OR4D5: variants seen among roughly 807,000 people sequenced by gnomAD.
OR4D5 encodes the protein olfactory receptor family 4 subfamily D member 5, also known as olfactory receptor 4D5.
For synonymous variants in OR4D5, 165 were observed against 154.0 expected (o/e 1.07, Z -0.53); for missense variants, 390 against 387.6 (o/e 1.01, Z -0.05).
In OR4D5 at chr11:123,939,649, A is replaced by G; in HGVS notation, c.33A>G (p.Gly11=). Residue 11 remains glycine, a synonymous_variant, in exon 1 of 1, where the codon GGA becomes GGG. Transcript: ENST00000307033. The stretch of plus-strand genomic sequence containing the variant: ...CAGCAAATCATTCCCAGGTGGCAGG[A>G]TTTGTTCTACTGGGGCTCTCTCAGG... The part of the protein sequence containing the change: MNPANHSQVA[G]FVLLGLSQVW... 6.3e-7 allele frequency: 1 copy of G among 1,589,930 alleles called. No homozygotes were observed. The highest frequency in any genetic ancestry group is 2.2e-5 in the East Asian group (1 of 44,814).
Position 123,940,159 on chromosome 11 carries a change from G to T in OR4D5, c.543G>T (p.Val181=). The T allele has an allele frequency of 2.5e-6, 4 of 1,614,132 alleles. No individual in the cohort carries two copies. Among genetic ancestry groups the T allele is most frequent in the Non-Finnish European group, 3.4e-6 (4 of 1,180,020 alleles). ...AGCTGGACAACTTTTATTGTGATGT[G>T]CCTCAGCTGATCAAATTGGCCTGCA... ...PDKLDNFYCD[V]PQLIKLACTD... The change falls in exon 1 of 1, where the codon GTG becomes GTT. Residue 181 remains valine, a synonymous_variant. Coordinates refer to ENST00000307033, the MANE Select transcript of OR4D5 (RefSeq NM_001001965.1).
chr11:123,939,714 C>T lies in OR4D5; in HGVS notation c.98C>T (p.Ala33Val), dbSNP rs193274032. ...TTTGTTTTCTTCACTGTTTTCTCTGCTGTGTATTTTATGACTGTAGTGGGA... is the reference window on the plus strand; with the variant it reads ...TTTGTTTTCTTCACTGTTTTCTCTGTTGTGTATTTTATGACTGTAGTGGGA... ...LRFVFFTVFS[A>V]VYFMTVVGNL... is the part of the protein sequence containing the mutation. The change falls in exon 1 of 1, where the codon GCT becomes GTT. Residue 33 changes from alanine (A) to valine (V), a missense_variant. Coordinates refer to ENST00000307033, the MANE Select transcript of OR4D5 (RefSeq NM_001001965.1). The T allele has an allele frequency of 2.5e-6, 4 of 1,613,928 alleles. No individual in the cohort carries two copies. The highest frequency in any genetic ancestry group is 4.5e-5 in the East Asian group (2 of 44,880).
chr11:123,939,931 C>G lies in OR4D5; in HGVS notation c.315C>G (p.His105Gln), dbSNP rs762759686. Residue 105 changes from histidine to glutamine, a missense_variant, in exon 1 of 1, where the codon CAC becomes CAG. Transcript: ENST00000307033. ...GCCTGACTCAACTCTTCTTCTTCCA[C>G]TTCATTGGAGGCATCAAGATCTTCC... is the stretch of plus-strand genomic sequence containing the variant. ...GGCLTQLFFFHFIGGIKIFLL... is the reference protein window; with the variant it reads ...GGCLTQLFFFQFIGGIKIFLL... The G allele has an allele frequency of 7.4e-6, 12 of 1,613,694 alleles. No homozygotes were observed. The highest frequency in any genetic ancestry group is 1.0e-5 in the Non-Finnish European group (12 of 1,179,874).
Position 123,940,284 on chromosome 11 carries a change from T to G in OR4D5, c.668T>G (p.Val223Gly). 1.2e-6 allele frequency: 2 copies of G among 1,614,214 alleles called. No individual in the cohort carries two copies. Among genetic ancestry groups the G allele is most frequent in the Non-Finnish European group, 1.7e-6 (2 of 1,180,038 alleles). Reference protein sequence around the residue: ...VLLGSYTALLVMLRSHSREGR... With the variant: ...VLLGSYTALLGMLRSHSREGR... ...CTGGGATCGTACACAGCACTGCTAGTCATGCTCCGAAGCCACTCACGGGAG... is the reference window on the plus strand; with the variant it reads ...CTGGGATCGTACACAGCACTGCTAGGCATGCTCCGAAGCCACTCACGGGAG... The change falls in exon 1 of 1, where the codon GTC (valine) becomes GGC (glycine). Residue 223 changes from valine (V) to glycine (G), a missense_variant. Physicochemically the swap from Val to Gly is moderately radical, Grantham distance 109. Transcript: ENST00000307033.
rs200154806 is a variant in OR4D5, at chr11:123,940,573, G to C, written c.957G>C (p.Ter319TyrextTer?). 3.8e-6 allele frequency: 6 copies of C among 1,567,764 alleles called. No homozygotes were observed. The East Asian group carries it at 1.1e-4, about 29-fold the overall frequency. ...CCCTGGAGCACAGACCCTTACATTA[G>C]CAGAGGCAGTGACCTGAGAATCTGA... Reference protein sequence around the residue: ...IGPLEHRPLH* With the variant: ...IGPLEHRPLHY The change falls in exon 1 of 1, where the codon TAG becomes TAC. Residue 319 changes from the stop codon to tyrosine (Y), a stop_lost. Coordinates refer to ENST00000307033, the MANE Select transcript of OR4D5 (RefSeq NM_001001965.1).
In OR4D5 at chr11:123,940,445, AT is replaced by A. The variant is rs1565575897; in HGVS notation, c.831del (p.Ile277MetfsTer6). The part of the protein sequence containing the change: ...MDKAVSVLYT[I>X]VTPMLNPAIY... ...CAAGGCCGTCTCTGTGCTATACACA[AT>A]TGTCACCCCCATGCTGAATCCTGCC... On this transcript the variant is annotated frameshift_variant, in exon 1 of 1. Coordinates refer to ENST00000307033, the MANE Select transcript of OR4D5 (RefSeq NM_001001965.1). LOFTEE classifies it low-confidence loss of function (END_TRUNC). 6.2e-7 allele frequency: 1 copy of A among 1,614,112 alleles called. No homozygotes were observed. The highest frequency in any genetic ancestry group is 8.5e-7 in the Non-Finnish European group (1 of 1,180,000).
chr11:123,939,624 C>A lies in OR4D5; in HGVS notation c.8C>A (p.Pro3Gln). MN[P>Q]ANHSQVAGFV... is the part of the protein sequence containing the mutation. ...CAAGGTCATACCAACCAGATGAATCCAGCAAATCATTCCCAGGTGGCAGGA... is the reference window on the plus strand; with the variant it reads ...CAAGGTCATACCAACCAGATGAATCAAGCAAATCATTCCCAGGTGGCAGGA... The change falls in exon 1 of 1, where the codon CCA becomes CAA. Residue 3 changes from proline to glutamine, a missense_variant. Coordinates refer to ENST00000307033, the MANE Select transcript of OR4D5 (RefSeq NM_001001965.1). 1 of 1,567,154 alleles carries A rather than the reference C, an allele frequency of 6.4e-7. No individual in the cohort carries two copies. The highest frequency in any genetic ancestry group is 1.2e-5 in the South Asian group (1 of 81,210).
chr11:123,940,558 C>G lies in OR4D5; in HGVS notation c.942C>G (p.His314Gln). 1 of 1,600,330 alleles carries G rather than the reference C, an allele frequency of 6.2e-7. No homozygotes were observed. The highest frequency in any genetic ancestry group is 8.5e-7 in the Non-Finnish European group (1 of 1,170,362). Residue 314 changes from histidine (H) to glutamine (Q), a missense_variant, in exon 1 of 1, where the codon CAC (histidine) becomes CAG (glutamine). By Grantham distance (24) the His-to-Gln change is conservative. Transcript: ENST00000307033. ...AGGACCCTATTGGTCCCCTGGAGCACAGACCCTTACATTAGCAGAGGCAGT... is the reference window on the plus strand; with the variant it reads ...AGGACCCTATTGGTCCCCTGGAGCAGAGACCCTTACATTAGCAGAGGCAGT... ...RKKDPIGPLE[H>Q]RPLH
In OR4D5 at chr11:123,939,906, G is replaced by C. The variant is rs751271897; in HGVS notation, c.290G>C (p.Cys97Ser). 3 of 1,613,434 alleles carry C rather than the reference G, an allele frequency of 1.9e-6. No homozygotes were observed. The highest frequency in any genetic ancestry group is 1.7e-6 in the Non-Finnish European group (2 of 1,179,694). ...AACCCTACCATTTCCTTTGGTGGAT[G>C]CCTGACTCAACTCTTCTTCTTCCAC... ...SGNPTISFGG[C>S]LTQLFFFHFI... The change falls in exon 1 of 1, where the codon TGC becomes TCC. Residue 97 changes from cysteine (C) to serine (S), a missense_variant. Physicochemically the swap from Cys to Ser is moderately radical, Grantham distance 112. Coordinates refer to ENST00000307033, the MANE Select transcript of OR4D5 (RefSeq NM_001001965.1).
Position 123,939,816 on chromosome 11 carries a change from C to T in OR4D5, c.200C>T (p.Ser67Phe). The change falls in exon 1 of 1, where the codon TCT becomes TTT. Residue 67 changes from serine (S) to phenylalanine (F), a missense_variant. Ser to Phe is a radical substitution (Grantham distance 155). Coordinates refer to ENST00000307033, the MANE Select transcript of OR4D5 (RefSeq NM_001001965.1). ...TTMYFLLGNLSFLDFCYSSIT... is the reference protein window; with the variant it reads ...TTMYFLLGNLFFLDFCYSSIT... ...ATGTATTTTCTCTTGGGCAATCTTT[C>T]TTTCCTGGACTTTTGCTACTCTTCC... is the stretch of plus-strand genomic sequence containing the variant. The T allele has an allele frequency of 1.9e-6, 3 of 1,610,252 alleles. No individual in the cohort carries two copies. Among genetic ancestry groups the T allele is most frequent in the Non-Finnish European group, 2.5e-6 (3 of 1,178,176 alleles).
rs2137512749 is a variant in OR4D5, at chr11:123,940,052, G to T, written c.436G>T (p.Ala146Ser). Reference sequence around the variant, plus strand: ...TCAGACTGTCTGTGCACTCCTTATGGCAGCCTCCTGGGTGGGGGGCTTCAT... The same window carrying T: ...TCAGACTGTCTGTGCACTCCTTATGTCAGCCTCCTGGGTGGGGGGCTTCAT... ...MNQTVCALLM[A>S]ASWVGGFIHS... The change falls in exon 1 of 1, where the codon GCA becomes TCA. Residue 146 changes from alanine to serine, a missense_variant. Coordinates refer to ENST00000307033, the MANE Select transcript of OR4D5 (RefSeq NM_001001965.1). 6.2e-7 allele frequency: 1 copy of T among 1,614,046 alleles called. No homozygotes were observed. The highest frequency in any genetic ancestry group is 8.5e-7 in the Non-Finnish European group (1 of 1,179,990).
At position 123,940,374 on chromosome 11, in the gene OR4D5, C is replaced by T; in HGVS notation, c.758C>T (p.Pro253Leu). The T allele has an allele frequency of 6.2e-7, 1 of 1,614,120 alleles. No homozygotes were observed. Among genetic ancestry groups the T allele is most frequent in the South Asian group, 1.1e-5 (1 of 91,074 alleles). ...HIAVVTLIFV[P>L]CIYVYTRPFR... ...GCTGTGGTGACCTTAATCTTTGTGC[C>T]TTGCATCTACGTCTATACAAGGCCT... Residue 253 changes from proline to leucine, a missense_variant, in exon 1 of 1, where the codon CCT becomes CTT. Transcript: ENST00000307033.
At position 123,940,431 on chromosome 11, in the gene OR4D5, C is replaced by T. The variant is rs759246623; in HGVS notation, c.815C>T (p.Ser272Phe). ...FRTFPMDKAV[S>F]VLYTIVTPML... is the part of the protein sequence containing the mutation. ...ACATTCCCCATGGACAAGGCCGTCT[C>T]TGTGCTATACACAATTGTCACCCCC... Residue 272 changes from serine to phenylalanine, a missense_variant, in exon 1 of 1, where the codon TCT (serine) becomes TTT (phenylalanine). Transcript: ENST00000307033. The T allele has an allele frequency of 1.4e-5, 23 of 1,614,050 alleles. No individual in the cohort carries two copies. The highest frequency in any genetic ancestry group is 1.8e-5 in the Non-Finnish European group (21 of 1,180,004).
Position 123,940,500 on chromosome 11 carries a change from T to C in OR4D5, c.884T>C (p.Ile295Thr). ...AIYTLRNKEV[I>T]MAMKKLWRRK... ...TATACCCTGAGAAACAAGGAAGTGA[T>C]CATGGCCATGAAGAAGCTGTGGAGG... Residue 295 changes from isoleucine (I) to threonine (T), a missense_variant, in exon 1 of 1, where the codon ATC becomes ACC. By Grantham distance (89) the Ile-to-Thr change is moderately conservative (BLOSUM62 -1). Transcript: ENST00000307033. 1.2e-6 allele frequency: 2 copies of C among 1,614,094 alleles called. No homozygotes were observed. Among genetic ancestry groups the C allele is most frequent in the Non-Finnish European group, 1.7e-6 (2 of 1,179,998 alleles).
rs1266077929 is a variant in OR4D5, at chr11:123,939,883, C to T, written c.267C>T (p.Asn89=). The change falls in exon 1 of 1, where the codon AAC becomes AAT. Residue 89 remains asparagine (N), a synonymous_variant. Transcript: ENST00000307033. Reference sequence around the variant, plus strand: ...TGCTGGTTGACTTGCTCTCAGGCAACCCTACCATTTCCTTTGGTGGATGCC... The same window carrying T: ...TGCTGGTTGACTTGCTCTCAGGCAATCCTACCATTTCCTTTGGTGGATGCC... ...PRMLVDLLSG[N]PTISFGGCLT... 2.5e-6 allele frequency: 4 copies of T among 1,611,782 alleles called. No individual in the cohort carries two copies. The East Asian group carries it at 6.7e-5, about 27-fold the overall frequency.
rs149721746 is a variant in OR4D5, at chr11:123,939,795, A to G, written c.179A>G (p.Tyr60Cys). ...TSDPHLHTTM[Y>C]FLLGNLSFLD... ...GACCCACACCTGCACACAACCATGT[A>G]TTTTCTCTTGGGCAATCTTTCTTTC... The change falls in exon 1 of 1, where the codon TAT becomes TGT. Residue 60 changes from tyrosine to cysteine, a missense_variant. By Grantham distance (194) the Tyr-to-Cys change is radical (BLOSUM62 -2). Transcript: ENST00000307033. 5.0e-4 allele frequency: 803 copies of G among 1,612,536 alleles called. 6 individuals are homozygous for G. In the East Asian group the frequency reaches 0.015, roughly 30 times the overall value.
chr11:123,939,842 A>G lies in OR4D5; in HGVS notation c.226A>G (p.Ile76Val), dbSNP rs762653709. ...TTTCCTGGACTTTTGCTACTCTTCCATCACAGCACCTAGGATGCTGGTTGA... is the reference window on the plus strand; with the variant it reads ...TTTCCTGGACTTTTGCTACTCTTCCGTCACAGCACCTAGGATGCTGGTTGA... Reference protein sequence around the residue: ...LSFLDFCYSSITAPRMLVDLL... With the variant: ...LSFLDFCYSSVTAPRMLVDLL... The change falls in exon 1 of 1, where the codon ATC becomes GTC. Residue 76 changes from isoleucine to valine, a missense_variant. By Grantham distance (29) the Ile-to-Val change is conservative. Transcript: ENST00000307033. 17 of 1,609,356 alleles carry G rather than the reference A, an allele frequency of 1.1e-5. No homozygotes were observed. In the African/African-American group the frequency reaches 1.7e-4, roughly 16 times the overall value.
rs1198787176 is a variant in OR4D5, at chr11:123,940,192, C to G, written c.576C>G (p.Thr192=). 7 of 1,614,152 alleles carry G rather than the reference C, an allele frequency of 4.3e-6. No individual in the cohort carries two copies. The highest frequency in any genetic ancestry group is 3.3e-4 in the Middle Eastern group (2 of 6,062). Residue 192 remains threonine (T), a synonymous_variant, in exon 1 of 1, where the codon ACC becomes ACG. Coordinates refer to ENST00000307033, the MANE Select transcript of OR4D5 (RefSeq NM_001001965.1). ...TGATCAAATTGGCCTGCACAGATAC[C>G]TTTGTCTTAGAGCTTTTAATGGTGT... is the stretch of plus-strand genomic sequence containing the variant. ...PQLIKLACTD[T]FVLELLMVSN...
Position 123,939,857 on chromosome 11 carries a change from A to G in OR4D5, c.241A>G (p.Met81Val), listed in dbSNP as rs750937241. ...CTACTCTTCCATCACAGCACCTAGG[A>G]TGCTGGTTGACTTGCTCTCAGGCAA... ...FCYSSITAPR[M>V]LVDLLSGNPT... The change falls in exon 1 of 1, where the codon ATG (methionine) becomes GTG (valine). Residue 81 changes from methionine to valine, a missense_variant. Coordinates refer to ENST00000307033, the MANE Select transcript of OR4D5 (RefSeq NM_001001965.1). 1 of 1,609,266 alleles carries G rather than the reference A, an allele frequency of 6.2e-7. No individual in the cohort carries two copies. Among genetic ancestry groups the G allele is most frequent in the Non-Finnish European group, 8.5e-7 (1 of 1,177,618 alleles).
Sources: gnomAD v4.1 joint callset for allele counts on GRCh38, gnomAD v4.1.1 for gene constraint, MANE v1.5 for transcripts, NCBI Gene and HGNC (gene_info 2026-07-23, HGNC 2026-07-21) for gene names.